The following CAST variants were observed in gnomAD, a reference collection of about 807,000 sequenced individuals.
CAST encodes the protein calpastatin, also known as MIR583 host.
Under a neutral mutation model 119.6 loss-of-function variants are expected in CAST, and 76 were observed. The ratio of observed to expected loss-of-function variants is 0.64; its 90% confidence interval spans 0.53 to 0.77. The LOEUF (loss-of-function observed/expected upper bound fraction) is 0.77. Among genes scored for constraint, CAST ranks in the 30% least tolerant of loss-of-function variants. CAST has a pLI of 0.00. For synonymous variants in CAST, 319 were observed against 331.6 expected (o/e 0.96, Z 0.41); for missense variants, 953 against 946.5 (o/e 1.01, Z -0.09).
the CAST span, among the ~76,000 whole-genome samples, chr5:96,290,272 C>T: frequency 6.6e-6 from 1 of 152,092 alleles, no homozygotes; most frequent in Non-Finnish European, 1.5e-5. Flanking sequence ...AAAAATTCTC[C>T]CTTAGTCATT....
the CAST span, among the ~76,000 whole-genome samples, chr5:96,107,912 T>C: frequency 2.6e-5 from 4 of 151,956 alleles, no homozygotes; most frequent in East Asian, 7.7e-4. Flanking sequence ...TCTTGGAGGC[T>C]TTGTTCATTT....
the CAST span, among the ~76,000 whole-genome samples, chr5:96,094,597 A>T: frequency 1.3e-5 from 2 of 152,198 alleles, no homozygotes; most frequent in Non-Finnish European, 2.9e-5. Flanking sequence ...CAGTGATCTT[A>T]TGAGGTAGAT....
At chr5:96,041,372 G>C in the CAST span, among the ~76,000 whole-genome samples, 3 of 152,030 alleles carry the variant, frequency 2.0e-5, no homozygotes, top group Admixed American at 2.0e-4. Context: ...ACAAATACTT[G>C]ACCAGTACTC....
At chr5:96,369,342 TCTC>T in the CAST span, among the ~76,000 whole-genome samples, 2 of 152,136 alleles carry the variant, frequency 1.3e-5, no homozygotes, top group Non-Finnish European at 2.9e-5. Flanking sequence ...GAAGTTTTCT[TCTC>T]CTTGTGAAAT....
chr5:96,153,685 C>T, the CAST span, among the ~76,000 whole-genome samples: 1 of 152,138 alleles, frequency 6.6e-6, no homozygotes, highest in Non-Finnish European at 1.5e-5. Flanking sequence ...GATTATTGTA[C>T]ACAAATACTT....
chr5:96,444,911 G>A, the CAST span, among the ~76,000 whole-genome samples: 14 of 152,134 alleles, frequency 9.2e-5, no homozygotes, highest in Non-Finnish European at 1.5e-4. Context: ...AAGAAAATCC[G>A]TAATCATTTA....
intron 2 of CAST, among the ~76,000 whole-genome samples, chr5:96,680,814 T>C (rs1751318446): frequency 6.6e-6 from 1 of 152,262 alleles, no homozygotes; most frequent in African/African-American, 2.4e-5. Context: ...CATTAGCAAG[T>C]TCTAGAAGAG....
chr5:96,332,450 A>G, the CAST span, among the ~76,000 whole-genome samples: 1 of 151,818 alleles, frequency 6.6e-6, no homozygotes, highest in Non-Finnish European at 1.5e-5. Context: ...TTTAAATGAT[A>G]AATAAAATTA....
the CAST span, among the ~76,000 whole-genome samples, chr5:96,496,984 A>G: frequency 2.3e-4 from 35 of 149,302 alleles, 1 homozygote; most frequent in Admixed American, 1.3e-3. Flanking sequence ...AACATTAGGT[A>G]TATCTCCAAA....
chr5:96,427,347 G>T, the CAST span, among the ~76,000 whole-genome samples: 1 of 152,102 alleles, frequency 6.6e-6, no homozygotes, highest in South Asian at 2.1e-4. Context: ...CAGGCTGAAT[G>T]GTATAGAGGA....
At chr5:96,459,044 C>A in the CAST span, among the ~76,000 whole-genome samples, 1 of 152,160 alleles carries the variant, frequency 6.6e-6, no homozygotes, top group South Asian at 2.1e-4. Flanking sequence ...TGTTTTGGTA[C>A]CTAATGTGAT....
the CAST span, among the ~76,000 whole-genome samples, chr5:96,332,786 C>T: frequency 6.6e-6 from 1 of 152,180 alleles, no homozygotes; most frequent in Non-Finnish European, 1.5e-5. Flanking sequence ...AGCTGTCCCA[C>T]GCCTTCACAT....
intron 3 of CAST, among the ~76,000 whole-genome samples, chr5:96,699,586 A>T (rs1457419575): frequency 6.6e-6 from 1 of 152,312 alleles, no homozygotes; most frequent in Middle Eastern, 3.4e-3. Flanking sequence ...AATCCCTATT[A>T]TAACATGGAT....
chr5:96,034,506 CATATGT>C, the CAST span, among the ~76,000 whole-genome samples: 2 of 118,742 alleles, frequency 1.7e-5, no homozygotes, highest in Middle Eastern at 4.8e-3. Context: ...CACACACACA[CATATGT>C]GTGTGTGTAT....
the CAST span, among the ~76,000 whole-genome samples, chr5:96,054,138 T>A: frequency 6.6e-6 from 1 of 152,222 alleles, no homozygotes; most frequent in Non-Finnish European, 1.5e-5. Flanking sequence ...TTATTATTGC[T>A]GTTACTATTT....
At chr5:96,342,392 C>T in the CAST span, among the ~76,000 whole-genome samples, 12 of 152,122 alleles carry the variant, frequency 7.9e-5, no homozygotes, top group Non-Finnish European at 1.8e-4. Flanking sequence ...CTGGGCCCAC[C>T]CCCATATTTT....
chr5:95,983,081 A>G, the CAST span, among the ~76,000 whole-genome samples: 2 of 152,250 alleles, frequency 1.3e-5, no homozygotes, highest in Non-Finnish European at 1.5e-5. Flanking sequence ...ACAAGAAAAT[A>G]CATATGGTAT....
the CAST span, among the ~76,000 whole-genome samples, chr5:96,186,107 T>C: frequency 1.3e-5 from 2 of 152,304 alleles, no homozygotes; most frequent in East Asian, 3.9e-4. Context: ...ATTCTTTTTG[T>C]AGCAATTGTG....
the CAST span, among the ~76,000 whole-genome samples, chr5:96,466,522 G>A: frequency 3.3e-5 from 5 of 151,948 alleles, no homozygotes; most frequent in African/African-American, 9.7e-5. Flanking sequence ...ACACTTTGTA[G>A]TCATTATTTT....
Sources: gnomAD v4.1 joint callset for allele counts (sites outside exome capture counted in the v4.1 genomes callset) on GRCh38, gnomAD v4.1.1 for gene constraint, MANE v1.5 for transcripts, NCBI Gene and HGNC (gene_info 2026-07-23, HGNC 2026-07-21) for gene names.